The following EFCAB8 variants were observed in gnomAD, a reference collection of about 807,000 sequenced individuals.
The protein encoded by EFCAB8 is EF-hand calcium-binding domain-containing protein 8.
In EFCAB8, 100 loss-of-function variants were observed where a neutral mutation model predicts 116.3. The observed-to-expected ratio is 0.86, with a 90% CI of 0.73 to 1.02. EFCAB8 has a LOEUF of 1.02. Among genes scored for constraint, EFCAB8 ranks in the 50% least tolerant of loss-of-function variants. EFCAB8 has a pLI of 0.00. For missense variants in EFCAB8, 1,320 were observed against 1,416.9 expected, an observed-to-expected ratio of 0.93 and a Z score of 1.10; for synonymous variants, 558 against 567.9, an observed-to-expected ratio of 0.98 and a Z score of 0.25.
chr20:32,935,883 C>T lies in EFCAB8; in HGVS notation c.2790+4547C>T, dbSNP rs566064172. On this transcript the variant is annotated intron_variant, in intron 22 of 26. Coordinates refer to ENST00000400522, the MANE Select transcript of EFCAB8 (RefSeq NM_001143967.2). Reference sequence around the variant, plus strand: ...TTCTTATTTATTGTGGATGTTACTCCCTTATCAGATGTATGATTTACATAT... The same window carrying T: ...TTCTTATTTATTGTGGATGTTACTCTCTTATCAGATGTATGATTTACATAT... 7.2e-5 allele frequency among the ~76,000 whole-genome samples: 11 copies of T among 152,080 alleles called. No individual in the cohort carries two copies. The South Asian group carries it at 2.1e-3, about 29-fold the overall frequency.
chr20:32,935,188 C>CTTTTTTTTTTT lies in EFCAB8; in HGVS notation c.2790+3855_2790+3856insTTTTTTTTTTT, dbSNP rs754022404. Among the ~76,000 whole-genome samples the CTTTTTTTTTTT allele has an allele frequency of 1.6e-3, 106 of 66,858 alleles. 6 individuals carry two copies. Among genetic ancestry groups the CTTTTTTTTTTT allele is most frequent in the Admixed American group, 2.1e-3 (12 of 5,618 alleles). 43.9% of individuals were successfully genotyped at this position (66,858 alleles called of 152,430 possible). Reference sequence around the variant, plus strand: ...TCTCTTCTCTTTTCTTTCTTTCTTTCTTTCTTTTTTTTTTTTTTTTTTTTT... The same window carrying CTTTTTTTTTTT: ...TCTCTTCTCTTTTCTTTCTTTCTTTCTTTTTTTTTTTTTTCTTTTTTTTTTTTTTTTTTTTT... On this transcript the variant is annotated intron_variant, in intron 22 of 26. Transcript: ENST00000400522.
At chr20:32,909,636 G>T (rs1236556127) in intron 14 of EFCAB8, among the ~76,000 whole-genome samples, 185 bp from the exon 15 acceptor site, 1 of 152,104 alleles carries the variant, frequency 6.6e-6, no homozygotes, top group Non-Finnish European at 1.5e-5. Context: ...GGGGAGCGGG[G>T]GCCATGGAGT....
chr20:32,863,481 A>G (rs1267406275), intron 1 of EFCAB8, among the ~76,000 whole-genome samples: 1 of 152,214 alleles, frequency 6.6e-6, no homozygotes, highest in African/African-American at 2.4e-5. Flanking sequence ...CCCTTTAGGA[A>G]GCCTCTGGCA....
rs1989097526 is a variant in EFCAB8 at position 32,960,097 on chromosome 20, A to T, written c.3329A>T (p.Lys1110Met). The T allele has an allele frequency of 6.4e-7, 1 of 1,551,600 alleles. No homozygotes were observed. The highest frequency in any genetic ancestry group is 8.7e-7 in the Non-Finnish European group (1 of 1,146,998). ...SKVLGAAYKPKERLQNTRFLS... is the reference protein window; with the variant it reads ...SKVLGAAYKPMERLQNTRFLS... ...GTCTTGGGAGCGGCGTATAAGCCCA[A>T]GGAACGCTTGCAGAATACCAGGTTC... The change falls in exon 26 of 27, where the codon AAG becomes ATG. Residue 1110 changes from lysine to methionine, a missense_variant. Transcript: ENST00000400522.
chr20:32,866,638 G>A (rs1173808496), intron 2 of EFCAB8, among the ~76,000 whole-genome samples: 3 of 152,098 alleles, frequency 2.0e-5, no homozygotes, highest in Non-Finnish European at 4.4e-5. Flanking sequence ...GGTGGGGCAG[G>A]TGAGCTCATC....
At chr20:32,887,782 G>A (rs1985707171) in intron 6 of EFCAB8, among the ~76,000 whole-genome samples, 1 of 152,230 alleles carries the variant, frequency 6.6e-6, no homozygotes, top group African/African-American at 2.4e-5. Context: ...AGTGCAGGAT[G>A]CACCAGTGCT....
chr20:32,904,015 T>C (rs974837584), intron 11 of EFCAB8, among the ~76,000 whole-genome samples: 1 of 151,960 alleles, frequency 6.6e-6, no homozygotes, highest in Non-Finnish European at 1.5e-5. Context: ...AATGGATTTT[T>C]TGGGTTTTTT....
At chr20:32,929,151 T>C (rs1600438939) in intron 20 of EFCAB8, among the ~76,000 whole-genome samples, 1 of 151,880 alleles carries the variant, frequency 6.6e-6, no homozygotes, top group Admixed American at 6.6e-5. Flanking sequence ...TTTTTTTTTC[T>C]TATAATGTCT....
intron 22 of EFCAB8, among the ~76,000 whole-genome samples, chr20:32,940,558 G>GA (rs1027061252): frequency 5.4e-5 from 8 of 149,310 alleles, no homozygotes. Flanking sequence ...AGCTACAAAA[G>GA]AAAAAAACAG....
At chr20:32,917,279 C>A in intron 17 of EFCAB8, 22 bp from the exon 18 acceptor site, 1 of 1,534,184 alleles carries the variant, frequency 6.5e-7, no homozygotes, top group Non-Finnish European at 8.8e-7. Context: ...CTCAGCCCTC[C>A]TGCCTCTGGC....
chr20:32,888,575 C>T (rs1278963888), intron 6 of EFCAB8, among the ~76,000 whole-genome samples: 5 of 152,056 alleles, frequency 3.3e-5, no homozygotes, highest in Admixed American at 2.6e-4. Flanking sequence ...AGGCTGGTCT[C>T]GAACTCCTGG....
At chr20:32,878,312 C>T (rs891998812) in intron 4 of EFCAB8, among the ~76,000 whole-genome samples, 8 of 151,744 alleles carry the variant, frequency 5.3e-5, no homozygotes, top group Non-Finnish European at 7.4e-5. Context: ...GGTTATAATC[C>T]CAGCACTTTG....
rs557687744 is a variant in EFCAB8, at chr20:32,904,906, C to T, written c.1089-1656C>T. The stretch of plus-strand genomic sequence containing the variant: ...TCTCCCAAAGTGCTGGGATTACAGG[C>T]GTGAGCTACTGTGCCTGGCCAGAAT... On this transcript the variant is annotated intron_variant, in intron 11 of 26. Coordinates refer to ENST00000400522, the MANE Select transcript of EFCAB8 (RefSeq NM_001143967.2). Among the ~76,000 whole-genome samples the T allele has an allele frequency of 5.9e-5, 9 of 152,310 alleles. No homozygotes were observed. The South Asian group carries it at 1.9e-3, about 32-fold the overall frequency.
intron 11 of EFCAB8, among the ~76,000 whole-genome samples, chr20:32,903,154 G>T (rs1396869752): frequency 6.6e-6 from 1 of 152,190 alleles, no homozygotes; most frequent in African/African-American, 2.4e-5. Context: ...TGCCCATCTC[G>T]CCCATGTCCT....
chr20:32,910,899 A>T (rs1224933042), intron 15 of EFCAB8, among the ~76,000 whole-genome samples: 1 of 151,624 alleles, frequency 6.6e-6, no homozygotes, highest in Non-Finnish European at 1.5e-5. Context: ...CACCACCCCC[A>T]GCTAATTTTT....
chr20:32,860,428 C>T (rs1984045462), intron 1 of EFCAB8, among the ~76,000 whole-genome samples: 1 of 151,124 alleles, frequency 6.6e-6, no homozygotes, highest in Non-Finnish European at 1.5e-5. Context: ...AGCATTGTGC[C>T]CTGCATGTAT....
At chr20:32,861,784 A>G (rs897772078) in intron 1 of EFCAB8, among the ~76,000 whole-genome samples, 6 of 152,228 alleles carry the variant, frequency 3.9e-5, no homozygotes, top group Non-Finnish European at 8.8e-5. Flanking sequence ...AGAGAATTGC[A>G]TGATTTAGGC....
chr20:32,901,931 C>G lies in EFCAB8; in HGVS notation c.1088+3308C>G, dbSNP rs138254021. On this transcript the variant is annotated intron_variant, in intron 11 of 26. Coordinates refer to ENST00000400522, the MANE Select transcript of EFCAB8 (RefSeq NM_001143967.2). ...TTCATCTCTTGACCTCATGATTCGCCCGCCTCGGCCTCCCAAAGTGCTGGG... is the reference window on the plus strand; with the variant it reads ...TTCATCTCTTGACCTCATGATTCGCGCGCCTCGGCCTCCCAAAGTGCTGGG... 9.9e-3 allele frequency among the ~76,000 whole-genome samples: 1,503 copies of G among 152,328 alleles called. 22 individuals carry two copies. Among genetic ancestry groups the G allele is most frequent in the African/African-American group, 0.033 (1,354 of 41,572 alleles).
At chr20:32,862,720 C>T (rs1444847594) in intron 1 of EFCAB8, among the ~76,000 whole-genome samples, 1 of 152,000 alleles carries the variant, frequency 6.6e-6, no homozygotes, top group African/African-American at 2.4e-5. Context: ...CTCTGCCTCC[C>T]AGGTTCAAGC....
Sources: gnomAD v4.1 joint callset for allele counts (sites outside exome capture counted in the v4.1 genomes callset) on GRCh38, gnomAD v4.1.1 for gene constraint, MANE v1.5 for transcripts, NCBI Gene and HGNC (gene_info 2026-07-23, HGNC 2026-07-21) for gene names.